TAFA1: variants seen among roughly 807,000 people sequenced by gnomAD.
TAFA1 encodes the protein chemokine-like protein TAFA-1.
Under a neutral mutation model 18.5 loss-of-function variants are expected in TAFA1, and 4 were observed. The ratio of observed to expected loss-of-function variants is 0.22; its 90% confidence interval spans 0.11 to 0.49. TAFA1 has a LOEUF of 0.49. TAFA1 is among the 20% of genes least tolerant of loss of function. The pLI is 0.98. For synonymous variants in TAFA1, 56 were observed against 55.2 expected, an observed-to-expected ratio of 1.01 and a Z score of -0.06; for missense variants, 147 against 169.0, an observed-to-expected ratio of 0.87 and a Z score of 0.72.
At chr3:68,517,107 T>C (rs1252429942) in intron 3 of TAFA1, among the ~76,000 whole-genome samples, 1 of 152,148 alleles carries the variant, frequency 6.6e-6, no homozygotes, top group Non-Finnish European at 1.5e-5. Context: ...TCTATCCTTT[T>C]GCTACATTGA....
At chr3:68,240,438 A>G (rs2066981362) in intron 2 of TAFA1, among the ~76,000 whole-genome samples, 1 of 152,182 alleles carries the variant, frequency 6.6e-6, no homozygotes, top group South Asian at 2.1e-4. Context: ...TAGGAGCACA[A>G]ACGAGGGCAG....
chr3:68,221,097 C>T (rs1333429770), intron 2 of TAFA1, among the ~76,000 whole-genome samples: 16 of 152,172 alleles, frequency 1.1e-4, no homozygotes, highest in Non-Finnish European at 5.9e-5. Flanking sequence ...AGCCTCAAGA[C>T]TTCCCTCTGG....
At chr3:68,164,243 A>G (rs2065957149) in intron 2 of TAFA1, among the ~76,000 whole-genome samples, 2 of 152,202 alleles carry the variant, frequency 1.3e-5, no homozygotes, top group South Asian at 2.1e-4. Context: ...GAAACTTCAC[A>G]TAGGTCTTGC....
chr3:68,506,472 G>GACACACACACACAC (rs55813351), intron 3 of TAFA1, among the ~76,000 whole-genome samples: 58 of 150,854 alleles, frequency 3.8e-4, no homozygotes, highest in Middle Eastern at 3.4e-3. Flanking sequence ...CACACACAGA[G>GACACACACACACAC]ACACACACAC....
intron 2 of TAFA1, among the ~76,000 whole-genome samples, chr3:68,180,778 G>T (rs770302826): frequency 6.6e-6 from 1 of 152,058 alleles, no homozygotes; most frequent in Non-Finnish European, 1.5e-5. Context: ...CTTCTAATAC[G>T]ACCCCTGATG....
intron 2 of TAFA1, among the ~76,000 whole-genome samples, chr3:68,008,478 T>C (rs919412833): frequency 6.6e-6 from 1 of 152,218 alleles, no homozygotes; most frequent in Non-Finnish European, 1.5e-5. Flanking sequence ...CTGTTCAGTT[T>C]AATCCTTATG....
At chr3:68,522,547 C>T (rs1281106627) in intron 3 of TAFA1, among the ~76,000 whole-genome samples, 1 of 152,180 alleles carries the variant, frequency 6.6e-6, no homozygotes, top group Non-Finnish European at 1.5e-5. Context: ...GCTCTGAGTA[C>T]ATACATAAAA....
At position 68,490,072 on chromosome 3, in the gene TAFA1, GC is replaced by G. The variant is rs527428425; in HGVS notation, c.260-48683del. On this transcript the variant is annotated intron_variant, in intron 3 of 4. Coordinates refer to ENST00000478136, the MANE Select transcript of TAFA1 (RefSeq NM_213609.4). ...ATTTGTTGCCAATGATAGAGCTCAA[GC>G]TTTCAAGTGAAAAATTCAAATTTTG... 2.5e-3 allele frequency among the ~76,000 whole-genome samples: 385 copies of G among 152,320 alleles called. 3 individuals are homozygous for G. The highest frequency in any genetic ancestry group is 8.3e-3 in the African/African-American group (343 of 41,572).
intron 2 of TAFA1, among the ~76,000 whole-genome samples, chr3:68,210,932 T>C (rs2107066140): frequency 6.6e-6 from 1 of 152,098 alleles, no homozygotes; most frequent in South Asian, 2.1e-4. Context: ...TCTGTAAGCT[T>C]TATGGGACTG....
chr3:68,274,012 C>T (rs2067734726), intron 2 of TAFA1, among the ~76,000 whole-genome samples: 1 of 152,114 alleles, frequency 6.6e-6, no homozygotes, highest in Non-Finnish European at 1.5e-5. Flanking sequence ...AGCTTTCTTG[C>T]CAGGCCCTAG....
chr3:68,262,455 C>T (rs2067454731), intron 2 of TAFA1, among the ~76,000 whole-genome samples: 1 of 149,954 alleles, frequency 6.7e-6, no homozygotes, highest in South Asian at 2.1e-4. Flanking sequence ...TTTAGTAGTC[C>T]ACCATATCTA....
chr3:68,189,950 G>A (rs1194895610), intron 2 of TAFA1, among the ~76,000 whole-genome samples: 1 of 151,852 alleles, frequency 6.6e-6, no homozygotes, highest in East Asian at 1.9e-4. Flanking sequence ...CCCAGTTACA[G>A]AGATTGCTTG....
At chr3:68,079,987 C>G (rs1406691474) in intron 2 of TAFA1, among the ~76,000 whole-genome samples, 1 of 151,842 alleles carries the variant, frequency 6.6e-6, no homozygotes, top group East Asian at 1.9e-4. Flanking sequence ...CTTTATGAAT[C>G]TTGGTGCTCC....
intron 2 of TAFA1, among the ~76,000 whole-genome samples, chr3:68,210,324 G>A (rs2066580105): frequency 1.3e-5 from 2 of 151,902 alleles, no homozygotes; most frequent in African/African-American, 4.8e-5. Context: ...ATGCCTCTGG[G>A]GACCATCCTG....
intron 2 of TAFA1, among the ~76,000 whole-genome samples, chr3:68,275,338 G>A (rs1004785921): frequency 1.3e-5 from 2 of 151,932 alleles, no homozygotes; most frequent in African/African-American, 4.8e-5. Context: ...CCAAGGGGTA[G>A]GAATAAAGGA....
chr3:68,498,996 T>G (rs796782549), intron 3 of TAFA1, among the ~76,000 whole-genome samples: 9 of 152,192 alleles, frequency 5.9e-5, no homozygotes, highest in African/African-American at 1.9e-4. Context: ...ATTTTCTCTC[T>G]CCTACTTTTG....
At chr3:68,089,625 G>T (rs773475061) in intron 2 of TAFA1, among the ~76,000 whole-genome samples, 9 of 152,260 alleles carry the variant, frequency 5.9e-5, no homozygotes, top group African/African-American at 9.6e-5. Flanking sequence ...ATGAATTCCA[G>T]GGGAATATTA....
chr3:68,105,888 A>G (rs1377840326), intron 2 of TAFA1, among the ~76,000 whole-genome samples: 1 of 152,102 alleles, frequency 6.6e-6, no homozygotes, highest in African/African-American at 2.4e-5. Context: ...TAATCCCTTA[A>G]AGACTTGTGG....
At chr3:68,155,265 A>C (rs1356406776) in intron 2 of TAFA1, among the ~76,000 whole-genome samples, 1 of 152,194 alleles carries the variant, frequency 6.6e-6, no homozygotes, top group South Asian at 2.1e-4. Flanking sequence ...TGGGGAAGCT[A>C]TAACTATGAC....
Sources: allele counts gnomAD v4.1 joint callset (sites outside exome capture counted in the v4.1 genomes callset), GRCh38; gene constraint gnomAD v4.1.1; transcripts MANE v1.5; gene names NCBI Gene and HGNC (gene_info 2026-07-23, HGNC 2026-07-21).